MAPK8: variants seen among roughly 807,000 people sequenced by gnomAD.
MAPK8 encodes the protein mitogen-activated protein kinase 8.
A neutral mutation model predicts 52.9 loss-of-function variants in MAPK8; 13 were observed. The observed-to-expected ratio is 0.25, with a 90% CI of 0.16 to 0.39. MAPK8 has a LOEUF of 0.39. Among genes scored for constraint, MAPK8 ranks in the 10% least tolerant of loss-of-function variants. MAPK8 has a pLI of 1.00. For synonymous variants in MAPK8, 191 were observed against 169.8 expected (o/e 1.12, Z -0.97); for missense variants, 300 against 519.2 (o/e 0.58, Z 4.10).
At chr10:48,381,505 A>G (rs2041004009) in intron 1 of MAPK8, among the ~76,000 whole-genome samples, 1 of 152,172 alleles carries the variant, frequency 6.6e-6, no homozygotes, top group Non-Finnish European at 1.5e-5. Flanking sequence ...TCTAATTTCA[A>G]GTGAAAAACC....
intron 6 of MAPK8, among the ~76,000 whole-genome samples, chr10:48,421,703 G>A (rs7924070): frequency 0.5 from 76,518 of 151,870 alleles, 19,884 homozygotes; most frequent in Middle Eastern, 0.72. Context: ...TATTCTGGAG[G>A]TGAGGCATGA....
rs1319785531 is a variant in MAPK8, at chr10:48,437,799, A to G, written c.*2770A>G. The G allele has an allele frequency of 6.6e-6, 1 of 152,278 alleles. No homozygotes were observed. The highest frequency in any genetic ancestry group is 1.5e-5 in the Non-Finnish European group (1 of 68,088). The allele number at this position is 152,278 out of a possible 1,614,324, so 9.4% of individuals were successfully genotyped here. A position where few individuals can be genotyped will look rare whatever the true frequency, so the allele number is the denominator to read the frequency against. On this transcript the variant is annotated 3_prime_UTR_variant, in exon 12 of 12. Coordinates refer to ENST00000374189, the MANE Select transcript of MAPK8 (RefSeq NM_001323329.2). ...AAGAGAAACACCAGCCTCTTAAATCAGAAGCCTACACACAACCCCCTTAAC... is the reference window on the plus strand; with the variant it reads ...AAGAGAAACACCAGCCTCTTAAATCGGAAGCCTACACACAACCCCCTTAAC...
At chr10:48,415,614 T>C (rs1012640990) in intron 5 of MAPK8, among the ~76,000 whole-genome samples, 3 of 152,136 alleles carry the variant, frequency 2.0e-5, no homozygotes, top group African/African-American at 7.2e-5. Flanking sequence ...GGCAGACATA[T>C]ACCAGGAAAA....
At chr10:48,373,049 C>A (rs368824884) in intron 1 of MAPK8, among the ~76,000 whole-genome samples, 1 of 152,080 alleles carries the variant, frequency 6.6e-6, no homozygotes, top group African/African-American at 2.4e-5. Context: ...TGGCAGAAAC[C>A]CTACAAGCCA....
chr10:48,347,100 G>A lies in MAPK8; in HGVS notation c.-50+40279G>A, dbSNP rs141176514. 2.4e-3 allele frequency among the ~76,000 whole-genome samples: 363 copies of A among 152,126 alleles called. 1 individual carries two copies. Among genetic ancestry groups the A allele is most frequent in the African/African-American group, 7.9e-3 (328 of 41,478 alleles). On this transcript the variant is annotated intron_variant, in intron 1 of 11. Transcript: ENST00000374189. ...TGTGTCTTTATTTCTACACTCTCTC[G>A]TTGCCGCACACAGGGAGGGACCCAC...
chr10:48,372,340 C>T (rs1173313380), intron 1 of MAPK8, among the ~76,000 whole-genome samples: 2 of 152,062 alleles, frequency 1.3e-5, no homozygotes, highest in Non-Finnish European at 2.9e-5. Context: ...CAACTCCTCA[C>T]CAGCAAGGCA....
chr10:48,389,380 A>G (rs1174262925), intron 1 of MAPK8, among the ~76,000 whole-genome samples: 1 of 152,176 alleles, frequency 6.6e-6, no homozygotes, highest in African/African-American at 2.4e-5. Context: ...CACTCACCTT[A>G]AAGGTTATTA....
chr10:48,427,234 T>G lies in MAPK8; in HGVS notation c.1060+91T>G, dbSNP rs3730161. ...TTATCATGTTAGAGAAATTTGTGACTTTAATATGCATAACCGAAATGTGGT... is the reference window on the plus strand; with the variant it reads ...TTATCATGTTAGAGAAATTTGTGACGTTAATATGCATAACCGAAATGTGGT... On this transcript the variant is annotated intron_variant, in intron 10 of 11. Coordinates refer to ENST00000374189, the MANE Select transcript of MAPK8 (RefSeq NM_001323329.2). 0.065 allele frequency: 55,490 copies of G among 857,448 alleles called. 3,474 individuals are homozygous for G. The highest frequency in any genetic ancestry group is 0.25 in the Admixed American group (11,282 of 45,934). The allele number at this position is 857,448 out of a possible 1,614,324, so 53.1% of individuals were successfully genotyped here. A position where few individuals can be genotyped will look rare whatever the true frequency, so the allele number is the denominator to read the frequency against.
chr10:48,371,563 C>T (rs1848530018), intron 1 of MAPK8, among the ~76,000 whole-genome samples: 1 of 152,048 alleles, frequency 6.6e-6, no homozygotes, highest in South Asian at 2.1e-4. Context: ...AGTAGTATCT[C>T]CTACTATAAT....
intron 11 of MAPK8, among the ~76,000 whole-genome samples, 159 bp from the exon 12 acceptor site, chr10:48,434,725 G>A: frequency 6.6e-6 from 1 of 152,198 alleles, no homozygotes; most frequent in East Asian, 1.9e-4. Flanking sequence ...AATGAAGAGT[G>A]TTTTTAAGTT....
At chr10:48,408,007 TG>T (rs1204190990) in intron 3 of MAPK8, among the ~76,000 whole-genome samples, 1 of 152,222 alleles carries the variant, frequency 6.6e-6, no homozygotes, top group East Asian at 1.9e-4. Flanking sequence ...TAAATTTGTT[TG>T]GCCCTTTCTG....
intron 1 of MAPK8, among the ~76,000 whole-genome samples, chr10:48,317,109 T>A (rs930184160): frequency 1.3e-5 from 2 of 152,152 alleles, no homozygotes; most frequent in Admixed American, 6.5e-5. Context: ...TTGTTGGTGA[T>A]CTTGTTGGGT....
chr10:48,413,177 T>C (rs1656807986), intron 5 of MAPK8, among the ~76,000 whole-genome samples: 1 of 152,244 alleles, frequency 6.6e-6, no homozygotes, highest in South Asian at 2.1e-4. Context: ...CCATACTTGC[T>C]TATCCATTCA....
intron 1 of MAPK8, among the ~76,000 whole-genome samples, chr10:48,345,978 G>GT (rs1350645189): frequency 3.3e-5 from 5 of 152,206 alleles, no homozygotes; most frequent in Non-Finnish European, 5.9e-5. Context: ...TGTTTAGGCT[G>GT]TAACAAGACA....
intron 1 of MAPK8, among the ~76,000 whole-genome samples, chr10:48,361,836 G>A (rs1847559289): frequency 6.6e-6 from 1 of 152,100 alleles, no homozygotes. Flanking sequence ...GAATTTATAT[G>A]ACACAGTAAG....
intron 1 of MAPK8, among the ~76,000 whole-genome samples, chr10:48,368,162 T>C (rs1022295565): frequency 6.6e-6 from 1 of 152,212 alleles, no homozygotes; most frequent in Non-Finnish European, 1.5e-5. Context: ...ATTAGATTAA[T>C]TCAAAAATAT....
chr10:48,368,929 A>C (rs1430279775), intron 1 of MAPK8, among the ~76,000 whole-genome samples: 3 of 152,084 alleles, frequency 2.0e-5, no homozygotes, highest in Non-Finnish European at 4.4e-5. Context: ...GCTCTAACTT[A>C]ACAGCCTCTG....
chr10:48,320,594 T>C (rs1842908455), intron 1 of MAPK8, among the ~76,000 whole-genome samples: 2 of 152,180 alleles, frequency 1.3e-5, no homozygotes, highest in South Asian at 4.1e-4. Context: ...CCACATTTTA[T>C]TTACCTACAC....
At chr10:48,402,144 A>G (rs2042191498) in intron 2 of MAPK8, among the ~76,000 whole-genome samples, 1 of 152,202 alleles carries the variant, frequency 6.6e-6, no homozygotes, top group African/African-American at 2.4e-5. Flanking sequence ...TTTAGATTTC[A>G]TATTTTCAGA....
Sources: gnomAD v4.1 joint callset for allele counts (sites outside exome capture counted in the v4.1 genomes callset) on GRCh38, gnomAD v4.1.1 for gene constraint, MANE v1.5 for transcripts, NCBI Gene and HGNC (gene_info 2026-07-23, HGNC 2026-07-21) for gene names.